Variants in CTXND2 observed in about 807,000 individuals in gnomAD.
CTXND2 encodes the protein cortexin domain containing 2.
chr1:150,900,534 C>T (rs1668995798), intron 1 of CTXND2, among the ~76,000 whole-genome samples: 1 of 152,110 alleles, frequency 6.6e-6, no homozygotes, highest in South Asian at 2.1e-4. Context: ...CCTGTAATCC[C>T]AGCTATTTGG....
intron 1 of CTXND2, among the ~76,000 whole-genome samples, chr1:150,891,698 C>G (rs1321015693): frequency 6.6e-6 from 1 of 152,174 alleles, no homozygotes; most frequent in Non-Finnish European, 1.5e-5. Flanking sequence ...TCTTACTGAA[C>G]AATTGCTGTT....
intron 1 of CTXND2, among the ~76,000 whole-genome samples, chr1:150,894,749 T>C (rs1668891703): frequency 6.6e-6 from 1 of 152,108 alleles, no homozygotes; most frequent in Non-Finnish European, 1.5e-5. Flanking sequence ...AATAATGCTT[T>C]TTGTGGCCAG....
At chr1:150,906,849 G>T (rs1669154746) in intron 1 of CTXND2, among the ~76,000 whole-genome samples, 1 of 152,150 alleles carries the variant, frequency 6.6e-6, no homozygotes, top group Non-Finnish European at 1.5e-5. Context: ...GTGAGTTTAG[G>T]TTGGGAGAAT....
chr1:150,890,521 G>A (rs1668833006), intron 1 of CTXND2, among the ~76,000 whole-genome samples: 1 of 151,880 alleles, frequency 6.6e-6, no homozygotes, highest in African/African-American at 2.4e-5. Flanking sequence ...TTTATTTATT[G>A]AGATGGAATT....
At chr1:150,895,165 T>C (rs1382445778) in intron 1 of CTXND2, among the ~76,000 whole-genome samples, 1 of 151,892 alleles carries the variant, frequency 6.6e-6, no homozygotes, top group African/African-American at 2.4e-5. Flanking sequence ...TTACCAAATA[T>C]GCCTTTTTCT....
At chr1:150,906,570 A>G (rs984703540) in intron 1 of CTXND2, among the ~76,000 whole-genome samples, 1 of 152,224 alleles carries the variant, frequency 6.6e-6, no homozygotes, top group Non-Finnish European at 1.5e-5. Context: ...GGAGTAAAGC[A>G]TGGTGTGAGT....
At chr1:150,900,243 C>T (rs1314671243) in intron 1 of CTXND2, among the ~76,000 whole-genome samples, 3 of 150,600 alleles carry the variant, frequency 2.0e-5, no homozygotes, top group Middle Eastern at 3.4e-3. Context: ...TCAGTGAGAC[C>T]ACGAACCCAC....
chr1:150,899,022 C>T (rs906603083), intron 1 of CTXND2, among the ~76,000 whole-genome samples: 6 of 150,776 alleles, frequency 4.0e-5, no homozygotes, highest in South Asian at 2.1e-4. Context: ...GGCATGAACC[C>T]GGGAGGGGGA....
intron 1 of CTXND2, among the ~76,000 whole-genome samples, chr1:150,905,894 G>A (rs1033809041): frequency 6.6e-6 from 1 of 152,086 alleles, no homozygotes; most frequent in Non-Finnish European, 1.5e-5. Context: ...GGAGGCTGAG[G>A]CAGGAGAATG....
intron 1 of CTXND2, among the ~76,000 whole-genome samples, chr1:150,900,406 T>C (rs760719747): frequency 2.0e-5 from 3 of 152,270 alleles, no homozygotes; most frequent in Non-Finnish European, 1.5e-5. Flanking sequence ...GAACAAACGT[T>C]GGACACACCA....
At chr1:150,905,006 T>G (rs1669110168) in intron 1 of CTXND2, among the ~76,000 whole-genome samples, 1 of 149,224 alleles carries the variant, frequency 6.7e-6, no homozygotes, top group Non-Finnish European at 1.5e-5. Context: ...GTAGAGGAGA[T>G]ACACACAAAT....
At chr1:150,899,084 C>G (rs2102597490) in intron 1 of CTXND2, among the ~76,000 whole-genome samples, 1 of 148,722 alleles carries the variant, frequency 6.7e-6, no homozygotes, top group East Asian at 2.0e-4. Flanking sequence ...GGCGACAGAG[C>G]AAGACTCCGT....
chr1:150,892,921 T>C lies in CTXND2; in HGVS notation c.-74+5608T>C, dbSNP rs587721375. On this transcript the variant is annotated intron_variant, in intron 1 of 1. Transcript: ENST00000636087. Reference sequence around the variant, plus strand: ...TGTCAGTTTTCTCAAAAAATCCTGATGGGATTTTGGTGGAGTTGCATTGTA... The same window carrying C: ...TGTCAGTTTTCTCAAAAAATCCTGACGGGATTTTGGTGGAGTTGCATTGTA... Among the ~76,000 whole-genome samples the C allele has an allele frequency of 2.7e-3, 413 of 152,286 alleles. 1 individual carries two copies. Among genetic ancestry groups the C allele is most frequent in the Non-Finnish European group, 3.9e-3 (263 of 68,012 alleles).
chr1:150,902,256 C>T (rs1227160523), intron 1 of CTXND2, among the ~76,000 whole-genome samples: 2 of 151,762 alleles, frequency 1.3e-5, no homozygotes, highest in East Asian at 1.9e-4. Flanking sequence ...TTTTAAAAAA[C>T]ATTAGCCAGG....
intron 1 of CTXND2, among the ~76,000 whole-genome samples, chr1:150,898,116 A>G (rs991459076): frequency 9.9e-5 from 15 of 151,318 alleles, no homozygotes; most frequent in African/African-American, 3.4e-4. Context: ...CCTGGGCTCA[A>G]GCAATCCTCC....
chr1:150,910,111 CTTTTTTCTGTTT>C, intron 1 of CTXND2, among the ~76,000 whole-genome samples: 1 of 142,442 alleles, frequency 7.0e-6, no homozygotes, highest in African/African-American at 2.6e-5. Context: ...ATTTCTTTTT[CTTTTTTCTGTTT>C]TTTTTTTTTC....
At chr1:150,900,648 AAAAC>A (rs1346540113) in intron 1 of CTXND2, among the ~76,000 whole-genome samples, 1 of 131,018 alleles carries the variant, frequency 7.6e-6, no homozygotes, top group East Asian at 2.4e-4. Flanking sequence ...ACTTTCTCAA[AAAAC>A]AAACCAAAAA....
At chr1:150,909,732 G>A (rs1669216497) in intron 1 of CTXND2, among the ~76,000 whole-genome samples, 1 of 152,090 alleles carries the variant, frequency 6.6e-6, no homozygotes, top group African/African-American at 2.4e-5. Context: ...AGGTCCTGCT[G>A]CTCACCACAC....
chr1:150,893,669 G>A (rs1011969108), intron 1 of CTXND2, among the ~76,000 whole-genome samples: 1 of 151,962 alleles, frequency 6.6e-6, no homozygotes, highest in Non-Finnish European at 1.5e-5. Flanking sequence ...ATGTTGCCCC[G>A]GCTGGTCTCA....
Sources: gnomAD v4.1 joint callset for allele counts (sites outside exome capture counted in the v4.1 genomes callset) on GRCh38, gnomAD v4.1.1 for gene constraint, MANE v1.5 for transcripts, NCBI Gene and HGNC (gene_info 2026-07-23, HGNC 2026-07-21) for gene names.